Variants in GABRG1 observed in about 807,000 individuals in gnomAD.
The protein encoded by GABRG1 is gamma-aminobutyric acid receptor subunit gamma-1.
Under a neutral mutation model 49.8 loss-of-function variants are expected in GABRG1, and 49 were observed. The observed-to-expected ratio is 0.98, with a 90% CI of 0.78 to 1.25. The LOEUF (loss-of-function observed/expected upper bound fraction) is 1.25, where lower values mean the gene tolerates loss of function less well. Ranked by LOEUF, GABRG1 falls within the 50% of genes most tolerant of loss-of-function variation. The pLI is 0.00. For synonymous variants in GABRG1, 232 were observed against 185.1 expected (o/e 1.25, Z -2.06); for missense variants, 552 against 552.3 (o/e 1.00, Z 0.01).
Position 46,040,956 on chromosome 4 carries a change from ACTT to A in GABRG1, c.*29_*31del. The A allele has an allele frequency of 6.3e-7, 1 of 1,584,636 alleles. No homozygotes were observed. The highest frequency in any genetic ancestry group is 8.6e-7 in the Non-Finnish European group (1 of 1,165,212). On this transcript the variant is annotated 3_prime_UTR_variant, in exon 9 of 9. Coordinates refer to ENST00000295452, the MANE Select transcript of GABRG1 (RefSeq NM_173536.4). ...AAAAGATTCTACTGAATTTAGTCAGACTTCTTTTGATTTTTGCTTATGAAGTAG... is the reference window on the plus strand; with the variant it reads ...AAAAGATTCTACTGAATTTAGTCAGACTTTTGATTTTTGCTTATGAAGTAG...
At chr4:46,065,215 CA>C (rs1315441329) in intron 4 of GABRG1, 148 bp downstream of exon 4, 1 of 557,178 alleles carries the variant, frequency 1.8e-6, no homozygotes. Context: ...AAAGTATTGC[CA>C]AAGTATTTCA....
At chr4:46,106,518 G>C (rs367931820) in intron 1 of GABRG1, among the ~76,000 whole-genome samples, 11 of 151,596 alleles carry the variant, frequency 7.3e-5, no homozygotes, top group Middle Eastern at 3.4e-3. Flanking sequence ...GAAATGAGCA[G>C]ATTTACTTCC....
chr4:46,086,818 G>A (rs1050140200), intron 2 of GABRG1, among the ~76,000 whole-genome samples: 3 of 151,558 alleles, frequency 2.0e-5, no homozygotes, highest in African/African-American at 7.3e-5. Flanking sequence ...TCTGGTCCTT[G>A]CCCATATACA....
intron 3 of GABRG1, among the ~76,000 whole-genome samples, chr4:46,078,202 A>C (rs1719430997): frequency 6.6e-6 from 1 of 151,996 alleles, no homozygotes. Flanking sequence ...TGTTTCCTAA[A>C]GTACTGCAAT....
chr4:46,047,113 T>C (rs892004033), intron 8 of GABRG1, among the ~76,000 whole-genome samples: 1 of 152,138 alleles, frequency 6.6e-6, no homozygotes, highest in African/African-American at 2.4e-5. Flanking sequence ...GTAAGTCACA[T>C]GTGGCTATTG....
At chr4:46,072,797 C>T (rs369948124) in intron 3 of GABRG1, among the ~76,000 whole-genome samples, 9 of 150,494 alleles carry the variant, frequency 6.0e-5, no homozygotes, top group Admixed American at 2.0e-4. Context: ...TTCGCATGTG[C>T]GATGAATTTT....
intron 2 of GABRG1, among the ~76,000 whole-genome samples, chr4:46,090,085 A>G (rs368994981): frequency 6.6e-6 from 1 of 152,136 alleles, no homozygotes; most frequent in East Asian, 1.9e-4. Flanking sequence ...AGTTGGTTTT[A>G]TAAGTTTTCA....
intron 2 of GABRG1, among the ~76,000 whole-genome samples, chr4:46,085,072 C>T (rs1438247102): frequency 1.3e-5 from 2 of 151,406 alleles, no homozygotes; most frequent in Admixed American, 6.6e-5. Context: ...ATATACCATT[C>T]TTATATAATA....
chr4:46,086,138 C>T (rs1218742346), intron 2 of GABRG1, among the ~76,000 whole-genome samples: 1 of 151,548 alleles, frequency 6.6e-6, no homozygotes, highest in Non-Finnish European at 1.5e-5. Context: ...TCTTTCTGTG[C>T]TGTTATTTTA....
At chr4:46,087,065 G>T (rs115013658) in intron 2 of GABRG1, among the ~76,000 whole-genome samples, 204 of 151,782 alleles carry the variant, frequency 1.3e-3, no homozygotes, top group African/African-American at 4.8e-3. Context: ...ATTCATGAGA[G>T]ATATGAGCGT....
At chr4:46,056,149 ATT>A (rs144131847) in intron 7 of GABRG1, among the ~76,000 whole-genome samples, 730 of 7,310 alleles carry the variant, frequency 0.1, 41 homozygotes, top group African/African-American at 0.21. Context: ...AAATAAATAA[ATT>A]AAAAAAAAAA....
At position 46,123,907 on chromosome 4, in the gene GABRG1, G is replaced by A. The variant is rs1330643076; in HGVS notation, c.7C>T (p.Pro3Ser). Residue 3 changes from proline (P) to serine (S), a missense_variant, in exon 1 of 9, where the codon CCT becomes TCT. Pro to Ser is a moderately conservative substitution (Grantham distance 74). Transcript: ENST00000295452. The stretch of plus-strand genomic sequence containing the variant: ...GGGGAGAAGAGAAAAGCTTTCAAAG[G>A]ACCCATCGGAATCGCTTTTTTACGT... MGPLKAFLFSPFL... is the reference protein window; with the variant it reads MGSLKAFLFSPFL... 1.9e-6 allele frequency: 3 copies of A among 1,613,236 alleles called. No homozygotes were observed. The highest frequency in any genetic ancestry group is 1.7e-4 in the Middle Eastern group (1 of 6,054).
chr4:46,048,068 T>C (rs911482918), intron 8 of GABRG1, among the ~76,000 whole-genome samples: 5 of 152,040 alleles, frequency 3.3e-5, no homozygotes, highest in Admixed American at 1.3e-4. Context: ...TGCTAGCCTA[T>C]GGGCCGAATA....
chr4:46,092,322 G>C (rs557452601), intron 2 of GABRG1, among the ~76,000 whole-genome samples: 33 of 151,996 alleles, frequency 2.2e-4, no homozygotes, highest in African/African-American at 6.7e-4. Flanking sequence ...GGACATAATA[G>C]CAAAATGACA....
chr4:46,064,094 C>G (rs10938424), intron 5 of GABRG1, among the ~76,000 whole-genome samples: 76,821 of 151,852 alleles, frequency 0.51, 20,005 homozygotes, highest in African/African-American at 0.63. Context: ...CCTCCAGGAA[C>G]ATGAATATAA....
At chr4:46,093,015 G>A (rs1485254901) in intron 2 of GABRG1, among the ~76,000 whole-genome samples, 1 of 146,718 alleles carries the variant, frequency 6.8e-6, no homozygotes, top group Admixed American at 6.9e-5. Flanking sequence ...GTTGCATTGA[G>A]CCAAGATTGC....
intron 1 of GABRG1, among the ~76,000 whole-genome samples, chr4:46,107,324 G>A (rs1328644047): frequency 6.6e-6 from 1 of 151,102 alleles, no homozygotes; most frequent in African/African-American, 2.4e-5. Context: ...TAATATATAT[G>A]TTCCTAAGGT....
intron 3 of GABRG1, among the ~76,000 whole-genome samples, chr4:46,070,527 C>A (rs968731904): frequency 4.9e-4 from 74 of 152,014 alleles, no homozygotes; most frequent in African/African-American, 1.8e-3. Flanking sequence ...TACCTGAATT[C>A]TGGGTTTGGA....
chr4:46,047,472 C>T (rs956249385), intron 8 of GABRG1, among the ~76,000 whole-genome samples: 2 of 151,912 alleles, frequency 1.3e-5, no homozygotes, highest in African/African-American at 4.8e-5. Context: ...TGAAAGGAAT[C>T]CTCTCCTCTC....
Sources: allele counts gnomAD v4.1 joint callset (sites outside exome capture counted in the v4.1 genomes callset), GRCh38; gene constraint gnomAD v4.1.1; transcripts MANE v1.5; gene names NCBI Gene and HGNC (gene_info 2026-07-23, HGNC 2026-07-21).